The following RAPGEF4 variants were observed in gnomAD, a reference collection of about 807,000 sequenced individuals.
RAPGEF4 encodes RAP guanine-nucleotide-exchange factor (GEF) 4.
RAPGEF4 carries 66 observed loss-of-function variants against 147.9 expected under a neutral mutation model. That is an observed-to-expected ratio of 0.45 (90% confidence interval 0.37 to 0.55). The LOEUF is 0.55. Among genes scored for constraint, RAPGEF4 ranks in the 20% least tolerant of loss-of-function variants. The pLI is 0.00. For synonymous variants in RAPGEF4, 419 were observed against 442.7 expected (o/e 0.95, Z 0.67); for missense variants, 1,071 against 1,257.3 (o/e 0.85, Z 2.24).
At chr2:172,802,084 T>G (rs1487278577) in intron 3 of RAPGEF4, among the ~76,000 whole-genome samples, 2 of 152,030 alleles carry the variant, frequency 1.3e-5, no homozygotes, top group African/African-American at 4.8e-5. Context: ...CTGACGGTGA[T>G]GGGATGTGGA....
intron 3 of RAPGEF4, among the ~76,000 whole-genome samples, chr2:172,799,767 A>G (rs1353334401): frequency 6.6e-6 from 1 of 152,190 alleles, no homozygotes; most frequent in Admixed American, 6.5e-5. Context: ...AAAGAAGAGG[A>G]AATCTCGAGA....
At chr2:172,800,922 G>A (rs1234738456) in intron 3 of RAPGEF4, among the ~76,000 whole-genome samples, 2 of 152,286 alleles carry the variant, frequency 1.3e-5, no homozygotes, top group Admixed American at 1.3e-4. Flanking sequence ...AGACCCCAAT[G>A]AGGAGGGAAA....
At chr2:172,875,997 C>T (rs568065880) in intron 4 of RAPGEF4, among the ~76,000 whole-genome samples, 1 of 152,232 alleles carries the variant, frequency 6.6e-6, no homozygotes, top group South Asian at 2.1e-4. Context: ...ATTTTATTCT[C>T]TTTGAAGCAA....
intron 4 of RAPGEF4, among the ~76,000 whole-genome samples, chr2:172,831,845 T>A (rs1690388120): frequency 6.6e-6 from 1 of 152,182 alleles, no homozygotes; most frequent in Admixed American, 6.5e-5. Flanking sequence ...CCTCTACTGA[T>A]CTACATTTCC....
chr2:172,846,229 C>A (rs545674334), intron 4 of RAPGEF4, among the ~76,000 whole-genome samples: 2 of 152,222 alleles, frequency 1.3e-5, no homozygotes, highest in South Asian at 4.2e-4. Context: ...ATCTCTCATG[C>A]CTATTTATAG....
At chr2:172,901,223 G>A (rs1699026928) in intron 4 of RAPGEF4, among the ~76,000 whole-genome samples, 1 of 152,070 alleles carries the variant, frequency 6.6e-6, no homozygotes, top group African/African-American at 2.4e-5. Context: ...GTATATTTTG[G>A]CACTAATTCC....
intron 29 of RAPGEF4, among the ~76,000 whole-genome samples, chr2:173,041,480 A>G (rs1341660548): frequency 6.6e-6 from 1 of 152,216 alleles, no homozygotes; most frequent in Non-Finnish European, 1.5e-5. Context: ...ATAAACATCT[A>G]GAAAGTAACC....
At chr2:173,000,451 T>A (rs967027574) in intron 16 of RAPGEF4, among the ~76,000 whole-genome samples, 8 of 152,386 alleles carry the variant, frequency 5.2e-5, no homozygotes, top group African/African-American at 1.9e-4. Flanking sequence ...TTCCAAGTTC[T>A]GATGGGCATA....
intron 3 of RAPGEF4, among the ~76,000 whole-genome samples, chr2:172,811,723 A>G (rs1574916204): frequency 6.6e-6 from 1 of 152,166 alleles, no homozygotes; most frequent in Admixed American, 6.6e-5. Context: ...GTTAGTGTGG[A>G]TATCTAAGAG....
intron 6 of RAPGEF4, among the ~76,000 whole-genome samples, chr2:172,931,394 G>A (rs1468376508): frequency 6.6e-6 from 1 of 152,132 alleles, no homozygotes; most frequent in Admixed American, 6.5e-5. Context: ...TGGAGATTGG[G>A]CCTGGAAAGC....
At chr2:172,796,534 G>T (rs926394380) in intron 2 of RAPGEF4, among the ~76,000 whole-genome samples, 1 of 152,096 alleles carries the variant, frequency 6.6e-6, no homozygotes, top group Non-Finnish European at 1.5e-5. Context: ...GCAGTGAACC[G>T]AGATTGCGCC....
intron 27 of RAPGEF4, 61 bp downstream of exon 27, chr2:173,034,025 CTGAAT>C (rs1488834836): frequency 2.7e-6 from 4 of 1,502,390 alleles, no homozygotes; most frequent in Admixed American, 4.2e-5. Context: ...TTCTGATTAG[CTGAAT>C]TGAAGTTCTC....
intron 29 of RAPGEF4, among the ~76,000 whole-genome samples, chr2:173,037,454 A>G (rs149615036): frequency 1.4e-4 from 21 of 152,254 alleles, no homozygotes; most frequent in African/African-American, 5.1e-4. Context: ...CCCTCCTCCT[A>G]GTCCTTACTC....
chr2:172,906,143 G>A (rs1459672354), intron 4 of RAPGEF4, among the ~76,000 whole-genome samples: 2 of 152,172 alleles, frequency 1.3e-5, no homozygotes, highest in Admixed American at 1.3e-4. Flanking sequence ...CAGAAAAAAA[G>A]GGTCTAAACA....
intron 5 of RAPGEF4, among the ~76,000 whole-genome samples, chr2:172,920,326 A>T (rs896062699): frequency 3.3e-5 from 5 of 152,166 alleles, no homozygotes; most frequent in African/African-American, 1.2e-4. Flanking sequence ...ATGTGTAACC[A>T]GAGCACCACA....
At chr2:172,989,441 G>GC (rs1692604968) in intron 14 of RAPGEF4, among the ~76,000 whole-genome samples, 1 of 151,936 alleles carries the variant, frequency 6.6e-6, no homozygotes, top group African/African-American at 2.4e-5. Context: ...ACATTGGCAG[G>GC]CAGGTGAATA....
At chr2:172,839,738 C>T (rs1366806470) in intron 4 of RAPGEF4, among the ~76,000 whole-genome samples, 1 of 152,162 alleles carries the variant, frequency 6.6e-6, no homozygotes, top group Non-Finnish European at 1.5e-5. Context: ...TTACATACCT[C>T]TGACAGCTTT....
intron 6 of RAPGEF4, among the ~76,000 whole-genome samples, chr2:172,959,565 G>A (rs1173900419): frequency 6.6e-6 from 1 of 152,004 alleles, no homozygotes; most frequent in Non-Finnish European, 1.5e-5. Context: ...AATCTCATAA[G>A]AAATAAATCT....
chr2:172,749,219 G>A (rs1695041799), intron 1 of RAPGEF4, among the ~76,000 whole-genome samples: 1 of 152,222 alleles, frequency 6.6e-6, no homozygotes, highest in African/African-American at 2.4e-5. Flanking sequence ...TAGCGACTCT[G>A]AGTAGGGGCT....
Sources: gnomAD v4.1 joint callset for allele counts (sites outside exome capture counted in the v4.1 genomes callset) on GRCh38, gnomAD v4.1.1 for gene constraint, MANE v1.5 for transcripts, NCBI Gene and HGNC (gene_info 2026-07-23, HGNC 2026-07-21) for gene names.